The following AFP variants were observed in gnomAD, a reference collection of about 807,000 sequenced individuals.
AFP encodes alpha fetoprotein.
Under a neutral mutation model 78.9 loss-of-function variants are expected in AFP, and 64 were observed. The ratio of observed to expected loss-of-function variants is 0.81; its 90% confidence interval spans 0.66 to 1.00. The LOEUF (loss-of-function observed/expected upper bound fraction) is 1.00, where lower values mean the gene tolerates loss of function less well. Ranked by LOEUF, AFP falls within the 50% of genes least tolerant of loss-of-function variation. The pLI is 0.00. For missense variants in AFP, 689 were observed against 703.8 expected, an observed-to-expected ratio of 0.98 and a Z score of 0.24; for synonymous variants, 254 against 243.8, an observed-to-expected ratio of 1.04 and a Z score of -0.39.
At chr4:73,436,413 A>G (rs1224837638) in intron 1 of AFP, 66 bp downstream of exon 1, 2 of 941,720 alleles carry the variant, frequency 2.1e-6, no homozygotes, top group South Asian at 1.6e-5. Context: ...TAAAATTTGC[A>G]TTAATTTGTC....
At chr4:73,445,261 T>G in intron 7 of AFP, 139 bp downstream of exon 7, 4 of 1,013,142 alleles carry the variant, frequency 3.9e-6, no homozygotes, top group Non-Finnish European at 4.4e-6. Context: ...ATTTGCAGAA[T>G]TCTCGGTAGT....
intron 12 of AFP, among the ~76,000 whole-genome samples, chr4:73,452,884 T>TG (rs1053629950): frequency 3.9e-5 from 6 of 152,184 alleles, no homozygotes; most frequent in Non-Finnish European, 8.8e-5. Flanking sequence ...GATATGTATT[T>TG]GGGGGTTGAG....
chr4:73,441,555 G>A (rs1258782852), intron 4 of AFP, among the ~76,000 whole-genome samples: 22 of 109,916 alleles, frequency 2.0e-4, no homozygotes, highest in Admixed American at 1.2e-3. Context: ...GCCACAGAGC[G>A]AGACTCCGTC....
chr4:73,448,042 CA>C (rs1269662559), intron 8 of AFP, among the ~76,000 whole-genome samples: 1 of 151,778 alleles, frequency 6.6e-6, no homozygotes, highest in Non-Finnish European at 1.5e-5. Context: ...AAGAAGAGTT[CA>C]TGATTAAGAA....
chr4:73,441,354 C>T (rs541862299), intron 4 of AFP, among the ~76,000 whole-genome samples: 1 of 151,822 alleles, frequency 6.6e-6, no homozygotes, highest in South Asian at 2.1e-4. Flanking sequence ...ATCACGAGGT[C>T]AGGAGATCGA....
At chr4:73,448,423 C>T (rs1028502196) in intron 8 of AFP, among the ~76,000 whole-genome samples, 5 of 152,058 alleles carry the variant, frequency 3.3e-5, no homozygotes, top group African/African-American at 4.8e-5. Context: ...CTGATTCTAA[C>T]GTAGTAATAA....
At chr4:73,436,399 A>T in intron 1 of AFP, 52 bp downstream of exon 1, 1 of 1,084,970 alleles carries the variant, frequency 9.2e-7, no homozygotes, top group Non-Finnish European at 1.3e-6. Context: ...AATTTTTTAA[A>T]TTATAAAATT....
rs1296449646 is a variant in AFP, at chr4:73,444,979, T to C, written c.714-14T>C. 3.2e-6 allele frequency: 5 copies of C among 1,584,164 alleles called. No homozygotes were observed. The highest frequency in any genetic ancestry group is 4.3e-6 in the Non-Finnish European group (5 of 1,157,206). ...AACCAAGAAATTAATTTCTAATTTC[T>C]TTTTTTTCCCTAGAACTGTTACTAA... On this transcript the variant is annotated splice_polypyrimidine_tract_variant and intron_variant, in intron 6 of 14. Transcript: ENST00000395792.
At position 73,445,113 on chromosome 4, in the gene AFP, G is replaced by A; in HGVS notation, c.834G>A (p.Leu278=). The change falls in exon 7 of 15, where the codon CTG becomes CTA. Residue 278 remains leucine (L), a synonymous_variant. Coordinates refer to ENST00000395792, the MANE Select transcript of AFP (RefSeq NM_001134.3). ...HCCRGDVLDC[L]QDGEKIMSYI... is the part of the protein sequence containing the mutation. ...GCAGAGGAGATGTGCTGGATTGTCT[G>A]CAGGATGGGGTGAAGAGTCTTGCTT... 5.0e-6 allele frequency: 8 copies of A among 1,613,906 alleles called. No individual in the cohort carries two copies. Among genetic ancestry groups the A allele is most frequent in the Non-Finnish European group, 6.8e-6 (8 of 1,179,854 alleles).
At chr4:73,440,976 A>T (rs1275522143) in intron 4 of AFP, among the ~76,000 whole-genome samples, 163 bp downstream of exon 4, 1 of 152,192 alleles carries the variant, frequency 6.6e-6, no homozygotes, top group Non-Finnish European at 1.5e-5. Flanking sequence ...GGAGAGCAAC[A>T]TTCAATGTAA....
At chr4:73,441,567 C>CAA (rs35201987) in intron 4 of AFP, among the ~76,000 whole-genome samples, 66,497 of 95,968 alleles carry the variant, frequency 0.69, 24,514 homozygotes, top group South Asian at 0.8. Flanking sequence ...GACTCCGTCT[C>CAA]AAAAAAAAAA....
intron 5 of AFP, among the ~76,000 whole-genome samples, chr4:73,443,109 T>C (rs1719718108): frequency 6.6e-6 from 1 of 152,196 alleles, no homozygotes; most frequent in Non-Finnish European, 1.5e-5. Context: ...ATAAAAGTTA[T>C]GTTTTTGTTT....
At position 73,443,330 on chromosome 4, in the gene AFP, G is replaced by T. The variant is rs759207549; in HGVS notation, c.616-17G>T. ...TTAGTATATGCTTTCATGACATTTT[G>T]TTTCCTCTACATCTAGGCAGCAACA... On this transcript the variant is annotated splice_polypyrimidine_tract_variant and intron_variant, in intron 5 of 14. Transcript: ENST00000395792. 11 of 1,582,712 alleles carry T rather than the reference G, an allele frequency of 7.0e-6. No individual in the cohort carries two copies. In the Admixed American group the frequency reaches 1.5e-4, roughly 22 times the overall value.
rs182423918 is a variant in AFP at position 73,443,512 on chromosome 4, G to A, written c.713+68G>A. 1.2e-4 allele frequency: 147 copies of A among 1,253,360 alleles called. 1 individual carries two copies. The African/African-American group carries it at 1.6e-3, about 13-fold the overall frequency. The allele number at this position is 1,253,360 out of a possible 1,614,324, so 77.6% of individuals were successfully genotyped here. A position where few individuals can be genotyped will look rare whatever the true frequency, so the allele number is the denominator to read the frequency against. ...AACTACCATTTTGCAATTTGGGTTC[G>A]TTTTTTTAATTGTTGCTGTTTTAGA... On this transcript the variant is annotated intron_variant, in intron 6 of 14. Transcript: ENST00000395792.
At chr4:73,439,702 G>A (rs533979797) in intron 3 of AFP, among the ~76,000 whole-genome samples, 53 of 152,226 alleles carry the variant, frequency 3.5e-4, no homozygotes, top group Non-Finnish European at 5.3e-4. Context: ...TATTGATGCT[G>A]TCATCTGAGT....
At chr4:73,440,933 T>C (rs898647345) in intron 4 of AFP, 120 bp downstream of exon 4, 4 of 1,001,220 alleles carry the variant, frequency 4.0e-6, no homozygotes, top group Non-Finnish European at 5.8e-6. Flanking sequence ...TTCTTTGGTG[T>C]TGTGTCTGCT....
intron 1 of AFP, 78 bp downstream of exon 1, chr4:73,436,425 TG>T (rs1719507520): frequency 1.2e-6 from 1 of 834,212 alleles, no homozygotes; most frequent in African/African-American, 1.7e-5. Context: ...TAATTTGTCT[TG>T]ATTTATTATT....
At chr4:73,438,534 TA>T (rs1269094389) in intron 3 of AFP, among the ~76,000 whole-genome samples, 1 of 152,156 alleles carries the variant, frequency 6.6e-6, no homozygotes, top group Non-Finnish European at 1.5e-5. Flanking sequence ...GGTTCTGAAA[TA>T]AGATTATCTT....
At chr4:73,441,910 C>T (rs1330243999) in intron 4 of AFP, among the ~76,000 whole-genome samples, 2 of 152,230 alleles carry the variant, frequency 1.3e-5, no homozygotes, top group African/African-American at 2.4e-5. Context: ...CCATTCTGCA[C>T]TGACAAGGGA....
Sources: allele counts gnomAD v4.1 joint callset (sites outside exome capture counted in the v4.1 genomes callset), GRCh38; gene constraint gnomAD v4.1.1; transcripts MANE v1.5; gene names NCBI Gene and HGNC (gene_info 2026-07-23, HGNC 2026-07-21).